Variants in FOXJ3 observed in about 807,000 individuals in gnomAD.
FOXJ3 encodes the protein forkhead box J3, also known as forkhead box protein J3.
FOXJ3 carries 22 observed loss-of-function variants against 76.1 expected under a neutral mutation model. The observed-to-expected ratio is 0.29, with a 90% CI of 0.21 to 0.41. The LOEUF (loss-of-function observed/expected upper bound fraction) is 0.41. Ranked by LOEUF, FOXJ3 falls within the 10% of genes least tolerant of loss-of-function variation. The pLI is 1.00. For missense variants in FOXJ3, 613 were observed against 762.1 expected (o/e 0.80, Z 2.30); for synonymous variants, 269 against 261.2 (o/e 1.03, Z -0.29).
chr1:42,277,000 C>A (rs1447077283), intron 3 of FOXJ3, among the ~76,000 whole-genome samples: 1 of 152,206 alleles, frequency 6.6e-6, no homozygotes, highest in Non-Finnish European at 1.5e-5. Flanking sequence ...CGTGAGCCAC[C>A]ATGCTCAGTC....
intron 2 of FOXJ3, among the ~76,000 whole-genome samples, chr1:42,285,078 A>G (rs1024101793): frequency 2.6e-5 from 4 of 152,132 alleles, no homozygotes; most frequent in African/African-American, 9.7e-5. Context: ...TAACTGGTTT[A>G]TTTTCAATCT....
intron 12 of FOXJ3, 138 bp downstream of exon 12, chr1:42,181,779 A>G (rs1000463139): frequency 3.6e-6 from 2 of 562,142 alleles, no homozygotes; most frequent in Admixed American, 3.5e-5. Context: ...ACACACACAC[A>G]TGCTTCTCAA....
At chr1:42,255,959 C>T (rs574610394) in intron 4 of FOXJ3, among the ~76,000 whole-genome samples, 14 of 152,250 alleles carry the variant, frequency 9.2e-5, no homozygotes, top group Non-Finnish European at 1.8e-4. Context: ...GAGGTGGAGG[C>T]CGCAGTGAGC....
At chr1:42,235,723 C>T (rs546645086) in intron 4 of FOXJ3, among the ~76,000 whole-genome samples, 5 of 152,154 alleles carry the variant, frequency 3.3e-5, no homozygotes, top group East Asian at 1.9e-4. Context: ...CCACCACACC[C>T]GGATAATTTT....
At chr1:42,275,354 C>A (rs1480078603) in intron 3 of FOXJ3, among the ~76,000 whole-genome samples, 1 of 152,174 alleles carries the variant, frequency 6.6e-6, no homozygotes, top group Non-Finnish European at 1.5e-5. Flanking sequence ...ACACACACCC[C>A]ACATAGCACA....
chr1:42,209,497 C>G (rs1231881205), intron 5 of FOXJ3, among the ~76,000 whole-genome samples: 1 of 152,192 alleles, frequency 6.6e-6, no homozygotes, highest in Admixed American at 6.5e-5. Context: ...AGGTAGAAAA[C>G]TGTGTCTCTA....
intron 4 of FOXJ3, among the ~76,000 whole-genome samples, chr1:42,252,910 G>A (rs1346299372): frequency 6.7e-6 from 1 of 150,048 alleles, no homozygotes; most frequent in Non-Finnish European, 1.5e-5. Context: ...CACAAGACAG[G>A]GATGCCCTCT....
chr1:42,220,387 C>T lies in FOXJ3; in HGVS notation c.528+7496G>A, dbSNP rs893415522. ...GGCTAGGAATTGAAAATCCAGGAGG[C>T]TGCAAAGGGAAAAACAAAAACAAAG... On this transcript the variant is annotated intron_variant, in intron 5 of 12. Coordinates refer to ENST00000361346, the MANE Select transcript of FOXJ3 (RefSeq NM_014947.5). Among the ~76,000 whole-genome samples, 7 of 152,074 alleles carry T rather than the reference C, an allele frequency of 4.6e-5. No homozygotes were observed. The South Asian group carries it at 6.2e-4, about 14-fold the overall frequency.
intron 11 of FOXJ3, among the ~76,000 whole-genome samples, chr1:42,182,430 G>A (rs76105483): frequency 3.3e-5 from 5 of 152,296 alleles, no homozygotes; most frequent in African/African-American, 7.2e-5. Context: ...AACTCAGAAA[G>A]GCTAACCTGA....
intron 2 of FOXJ3, among the ~76,000 whole-genome samples, chr1:42,293,304 A>G (rs557427752): frequency 6.6e-6 from 1 of 152,086 alleles, no homozygotes; most frequent in Non-Finnish European, 1.5e-5. Flanking sequence ...TTGTATCCAG[A>G]GTATTTAGAG....
chr1:42,278,623 G>C lies in FOXJ3; in HGVS notation c.94C>G (p.Gln32Glu). 6.2e-7 allele frequency: 1 copy of C among 1,614,076 alleles called. No individual in the cohort carries two copies. Among genetic ancestry groups the C allele is most frequent in the Non-Finnish European group, 8.5e-7 (1 of 1,179,970 alleles). The change falls in exon 3 of 13, where the codon CAG becomes GAG. Residue 32 changes from glutamine (Q) to glutamate (E), a missense_variant. Gln to Glu is a conservative substitution (Grantham distance 29, BLOSUM62 2). Around this residue, in one of 3 missense-constraint regions of FOXJ3, gnomAD observed 77 missense variants for 115.1 expected, o/e 0.67. Transcript: ENST00000361346. ...SSLTSMDWLP[Q>E]LTMRAAIQKS... ...TGGATGGCTGCTCTCATGGTGAGCTGTGGTAACCAGTCCATAGACGTTAGG... is the reference window on the plus strand; with the variant it reads ...TGGATGGCTGCTCTCATGGTGAGCTCTGGTAACCAGTCCATAGACGTTAGG...
At chr1:42,295,276 T>C (rs142663868) in intron 2 of FOXJ3, among the ~76,000 whole-genome samples, 71 of 152,254 alleles carry the variant, frequency 4.7e-4, no homozygotes, top group African/African-American at 1.6e-3. Flanking sequence ...TGCATACCTA[T>C]TATTTAGCTT....
intron 2 of FOXJ3, among the ~76,000 whole-genome samples, chr1:42,293,302 A>G (rs1170074895): frequency 6.6e-6 from 1 of 151,902 alleles, no homozygotes; most frequent in Non-Finnish European, 1.5e-5. Flanking sequence ...ACTTGTATCC[A>G]GAGTATTTAG....
chr1:42,223,341 A>C (rs624265), intron 5 of FOXJ3, among the ~76,000 whole-genome samples: 101,575 of 152,048 alleles, frequency 0.67, 35,622 homozygotes, highest in Admixed American at 0.78. Flanking sequence ...TCACTTCTCA[A>C]CACTATGGGC....
rs537560365 is a variant in FOXJ3 at position 42,268,184 on chromosome 1, C to CA, written c.370-2996dup. On this transcript the variant is annotated intron_variant, in intron 3 of 12. Coordinates refer to ENST00000361346, the MANE Select transcript of FOXJ3 (RefSeq NM_014947.5). Reference sequence around the variant, plus strand: ...TAATTACAGTGAAAGGGCTAAAAATCAAAAAAAAGAACATCTTGAAGGCAG... The same window carrying CA: ...TAATTACAGTGAAAGGGCTAAAAATCAAAAAAAAAGAACATCTTGAAGGCAG... Among the ~76,000 whole-genome samples, 87 of 150,520 alleles carry CA rather than the reference C, an allele frequency of 5.8e-4. No individual in the cohort carries two copies. The South Asian group carries it at 0.01, about 18-fold the overall frequency.
chr1:42,297,074 A>G (rs1653835646), intron 2 of FOXJ3, among the ~76,000 whole-genome samples: 1 of 151,940 alleles, frequency 6.6e-6, no homozygotes, highest in Non-Finnish European at 1.5e-5. Flanking sequence ...GTGTGTGTCT[A>G]CTGTAAATGG....
intron 2 of FOXJ3, among the ~76,000 whole-genome samples, chr1:42,289,957 G>A (rs775250898): frequency 6.6e-5 from 10 of 152,066 alleles, no homozygotes; most frequent in Non-Finnish European, 1.2e-4. Flanking sequence ...AGTAGAGAAA[G>A]CTGGGTAAAG....
chr1:42,312,961 G>C (rs1225661895), intron 1 of FOXJ3, among the ~76,000 whole-genome samples: 1 of 152,126 alleles, frequency 6.6e-6, no homozygotes, highest in Admixed American at 6.5e-5. Flanking sequence ...AGGGGATCAG[G>C]GACTGTGACA....
chr1:42,204,103 G>A (rs548265094), intron 6 of FOXJ3, among the ~76,000 whole-genome samples: 6 of 151,934 alleles, frequency 3.9e-5, no homozygotes, highest in South Asian at 2.1e-4. Flanking sequence ...CTCCCTGGTT[G>A]AATGACTGCT....
Sources: gnomAD v4.1 joint callset for allele counts (sites outside exome capture counted in the v4.1 genomes callset) on GRCh38, gnomAD v4.1.1 for gene constraint, gnomAD v4.1.1 regional missense constraint, MANE v1.5 for transcripts, NCBI Gene and HGNC (gene_info 2026-07-23, HGNC 2026-07-21) for gene names.